OXCT1: variants seen among roughly 807,000 people sequenced by gnomAD.
OXCT1 encodes succinyl-CoA:3-ketoacid coenzyme A transferase 1, mitochondrial.
A neutral mutation model predicts 69.6 loss-of-function variants in OXCT1; 27 were observed. That is an observed-to-expected ratio of 0.39 (90% confidence interval 0.29 to 0.54). The LOEUF (loss-of-function observed/expected upper bound fraction) is 0.54, where lower values mean the gene tolerates loss of function less well. OXCT1 is among the 20% of genes least tolerant of loss of function. OXCT1 has a pLI of 0.72. For synonymous variants in OXCT1, 202 were observed against 217.8 expected, an observed-to-expected ratio of 0.93 and a Z score of 0.64; for missense variants, 437 against 650.2, an observed-to-expected ratio of 0.67 and a Z score of 3.57.
At chr5:41,843,319 T>C (rs967710249) in intron 5 of OXCT1, among the ~76,000 whole-genome samples, 4 of 152,210 alleles carry the variant, frequency 2.6e-5, no homozygotes, top group African/African-American at 9.6e-5. Context: ...GCATAGTATA[T>C]GTCTCCATTT....
At chr5:41,850,426 C>A (rs1188251128) in intron 4 of OXCT1, among the ~76,000 whole-genome samples, 1 of 152,124 alleles carries the variant, frequency 6.6e-6, no homozygotes, top group Non-Finnish European at 1.5e-5. Context: ...ATGCATTGAG[C>A]TTCCATACCT....
intron 7 of OXCT1, among the ~76,000 whole-genome samples, chr5:41,836,532 A>T (rs1488953349): frequency 2.6e-5 from 4 of 152,162 alleles, no homozygotes; most frequent in Non-Finnish European, 5.9e-5. Flanking sequence ...TTTGGCTGGT[A>T]CTAGGGATCA....
At chr5:41,779,924 T>G (rs1192193561) in intron 13 of OXCT1, among the ~76,000 whole-genome samples, 1 of 152,150 alleles carries the variant, frequency 6.6e-6, no homozygotes, top group African/African-American at 2.4e-5. Flanking sequence ...CAATTAAAAT[T>G]ATATTCAGAA....
intron 7 of OXCT1, among the ~76,000 whole-genome samples, chr5:41,815,282 C>T (rs1325937233): frequency 6.6e-6 from 1 of 152,010 alleles, no homozygotes; most frequent in Non-Finnish European, 1.5e-5. Context: ...TTTTCATTTC[C>T]ACTGACTCAA....
intron 14 of OXCT1, among the ~76,000 whole-genome samples, chr5:41,752,897 C>T (rs149743735): frequency 3.3e-5 from 5 of 152,192 alleles, no homozygotes; most frequent in East Asian, 1.9e-4. Flanking sequence ...TCTCCTTCAG[C>T]GCTTACAGGA....
At chr5:41,763,684 T>C (rs759385342) in intron 13 of OXCT1, among the ~76,000 whole-genome samples, 98 of 152,012 alleles carry the variant, frequency 6.4e-4, no homozygotes, top group Non-Finnish European at 1.1e-3. Context: ...TTTCTATACA[T>C]AGTGTCCTTG....
intron 5 of OXCT1, among the ~76,000 whole-genome samples, chr5:41,846,067 C>G (rs982592863): frequency 6.6e-6 from 1 of 152,036 alleles, no homozygotes; most frequent in Non-Finnish European, 1.5e-5. Context: ...TAATTGCACT[C>G]ATTTTCTGCC....
intron 3 of OXCT1, among the ~76,000 whole-genome samples, chr5:41,856,824 C>T: frequency 6.6e-6 from 1 of 152,186 alleles, no homozygotes; most frequent in East Asian, 1.9e-4. Context: ...GTTAAGAATA[C>T]ATTTGTCCAC....
chr5:41,859,866 T>TATATATATATATATATATTAC (rs1554019098), intron 3 of OXCT1, among the ~76,000 whole-genome samples: 4 of 95,070 alleles, frequency 4.2e-5, no homozygotes, highest in Admixed American at 1.2e-4. Flanking sequence ...AGTATAGTAA[T>TATATATATATATATATATTAC]ATATATATAT....
Position 41,742,821 on chromosome 5 carries a change from T to C in OXCT1, c.1420-3330A>G, listed in dbSNP as rs181447629. Among the ~76,000 whole-genome samples the C allele has an allele frequency of 4.3e-3, 661 of 152,366 alleles. 3 individuals are homozygous for C. The highest frequency in any genetic ancestry group is 7.4e-3 in the Non-Finnish European group (506 of 68,038). ...AAGGACATGAACTCATCCTTTTTTA[T>C]GGCTGCATAGTATTCCATGGTGTAT... On this transcript the variant is annotated intron_variant, in intron 15 of 16. Transcript: ENST00000196371.
At chr5:41,859,862 G>GT (rs1294992782) in intron 3 of OXCT1, among the ~76,000 whole-genome samples, 2 of 87,398 alleles carry the variant, frequency 2.3e-5, no homozygotes, top group African/African-American at 8.9e-5. Flanking sequence ...GACTAGTATA[G>GT]TAATATATAT....
rs1051886154 is a variant in OXCT1, at chr5:41,730,311, T to G, written c.*1418A>C. 2 of 152,236 alleles carry G rather than the reference T, an allele frequency of 1.3e-5. No individual in the cohort carries two copies. The highest frequency in any genetic ancestry group is 4.8e-5 in the African/African-American group (2 of 41,460). 9.4% of individuals were successfully genotyped at this position (152,236 alleles called of 1,614,324 possible). On this transcript the variant is annotated 3_prime_UTR_variant, in exon 17 of 17. Transcript: ENST00000196371. The stretch of plus-strand genomic sequence containing the variant: ...CCCCCAGTACTGGGAAGGTATGCAT[T>G]TAACCATGTGGTCAGCCAGAAAGGC...
At chr5:41,792,104 G>A (rs955726041) in intron 13 of OXCT1, among the ~76,000 whole-genome samples, 1 of 152,120 alleles carries the variant, frequency 6.6e-6, no homozygotes, top group African/African-American at 2.4e-5. Context: ...CGTCCGGCCC[G>A]CAACTTCTTA....
At chr5:41,822,333 A>G (rs543107592) in intron 7 of OXCT1, among the ~76,000 whole-genome samples, 1 of 152,200 alleles carries the variant, frequency 6.6e-6, no homozygotes, top group South Asian at 2.1e-4. Context: ...CAGAAATAAG[A>G]ACTGCCACAC....
chr5:41,746,759 G>T (rs950437170), intron 15 of OXCT1, among the ~76,000 whole-genome samples: 1 of 152,030 alleles, frequency 6.6e-6, no homozygotes, highest in African/African-American at 2.4e-5. Context: ...CACTGAGGCT[G>T]TCCAAACTGA....
rs533098499 is a variant in OXCT1, at chr5:41,754,792, A to G, written c.1339-5185T>C. On this transcript the variant is annotated intron_variant, in intron 14 of 16. Coordinates refer to ENST00000196371, the MANE Select transcript of OXCT1 (RefSeq NM_000436.4). ...GAGAACATTTGCTATTACAAATGATATGTGGAGGTAATATATGGAGGTAAT... is the reference window on the plus strand; with the variant it reads ...GAGAACATTTGCTATTACAAATGATGTGTGGAGGTAATATATGGAGGTAAT... Among the ~76,000 whole-genome samples, 10 of 152,168 alleles carry G rather than the reference A, an allele frequency of 6.6e-5. No homozygotes were observed. In the South Asian group the frequency reaches 2.1e-3, roughly 32 times the overall value.
chr5:41,845,986 T>C (rs1361219832), intron 5 of OXCT1, among the ~76,000 whole-genome samples: 1 of 152,150 alleles, frequency 6.6e-6, no homozygotes, highest in East Asian at 1.9e-4. Context: ...GCAGTACTTA[T>C]ACATTTTTAT....
intron 16 of OXCT1, among the ~76,000 whole-genome samples, chr5:41,739,083 C>T (rs1035836169): frequency 1.3e-5 from 2 of 152,224 alleles, no homozygotes; most frequent in African/African-American, 4.8e-5. Context: ...AACCAAAGAA[C>T]AGGGGATTAC....
At chr5:41,793,177 A>C (rs1049238698) in intron 13 of OXCT1, among the ~76,000 whole-genome samples, 6 of 152,234 alleles carry the variant, frequency 3.9e-5, no homozygotes, top group African/African-American at 1.4e-4. Context: ...ATTTCAAGAA[A>C]ACTGTCCTAT....
Sources: gnomAD v4.1 joint callset for allele counts (sites outside exome capture counted in the v4.1 genomes callset) on GRCh38, gnomAD v4.1.1 for gene constraint, MANE v1.5 for transcripts, NCBI Gene and HGNC (gene_info 2026-07-23, HGNC 2026-07-21) for gene names.